Variants in ITGAD observed in about 807,000 individuals in gnomAD.
The protein encoded by ITGAD is integrin alpha-D.
ITGAD carries 105 observed loss-of-function variants against 139.0 expected under a neutral mutation model. The ratio of observed to expected loss-of-function variants is 0.76; its 90% confidence interval spans 0.65 to 0.89. The LOEUF (loss-of-function observed/expected upper bound fraction) is 0.89, where lower values mean the gene tolerates loss of function less well. Ranked by LOEUF, ITGAD falls within the 40% of genes least tolerant of loss-of-function variation. The probability of loss-of-function intolerance (pLI) is 0.00; values close to 1 mark genes in which losing one functional copy is unlikely to be tolerated. For synonymous variants in ITGAD, 569 were observed against 598.3 expected (o/e 0.95, Z 0.71); for missense variants, 1,384 against 1,487.3 (o/e 0.93, Z 1.14).
At chr16:31,423,501 C>T (rs1229018412) in intron 25 of ITGAD, 42 bp downstream of exon 25, 1 of 1,602,356 alleles carries the variant, frequency 6.2e-7, no homozygotes, top group Admixed American at 1.7e-5. Context: ...TGACATCCCA[C>T]AGCACAGCAC....
At chr16:31,418,406 A>C in intron 22 of ITGAD, 26 bp downstream of exon 22, 1 of 1,609,832 alleles carries the variant, frequency 6.2e-7, no homozygotes, top group East Asian at 2.2e-5. Context: ...GGTATCCCCC[A>C]CCCTCCATCG....
intron 5 of ITGAD, 25 bp downstream of exon 5, chr16:31,397,934 C>G: frequency 6.4e-7 from 1 of 1,556,778 alleles, no homozygotes; most frequent in Non-Finnish European, 8.8e-7. Context: ...GGCCATGGTT[C>G]CCTGTGGAGC....
chr16:31,416,109 G>A, intron 18 of ITGAD, 104 bp from the exon 19 acceptor site: 1 of 885,788 alleles, frequency 1.1e-6, no homozygotes, highest in Admixed American at 2.3e-5. Flanking sequence ...AAAGTGCTGG[G>A]GGCAGTGGCT....
intron 23 of ITGAD, among the ~76,000 whole-genome samples, chr16:31,422,269 T>C (rs187010125): frequency 6.6e-6 from 1 of 152,032 alleles, no homozygotes; most frequent in Non-Finnish European, 1.5e-5. Context: ...AAACTTTAGA[T>C]GTTAAGTGGT....
chr16:31,411,656 C>T lies in ITGAD; in HGVS notation c.1707+139C>T, dbSNP rs1312900743. On this transcript the variant is annotated intron_variant, in intron 14 of 29. Coordinates refer to ENST00000389202, the MANE Select transcript of ITGAD (RefSeq NM_005353.3). ...GCTAAGCACACGTCATCTCTCTTCTCTCCTTTGTTCCAGAAAGCCTTCCAT... is the reference window on the plus strand; with the variant it reads ...GCTAAGCACACGTCATCTCTCTTCTTTCCTTTGTTCCAGAAAGCCTTCCAT... 1.1e-5 allele frequency: 9 copies of T among 819,052 alleles called. No homozygotes were observed. The Admixed American group carries it at 1.8e-4, about 16-fold the overall frequency. 50.7% of individuals were successfully genotyped at this position (819,052 alleles called of 1,614,324 possible).
In ITGAD at chr16:31,426,321, C is replaced by A. The variant is rs774189274; in HGVS notation, c.*193C>A. 3.8e-6 allele frequency: 2 copies of A among 529,302 alleles called. No individual in the cohort carries two copies. The highest frequency in any genetic ancestry group is 6.8e-6 in the Non-Finnish European group (2 of 294,022). 32.8% of individuals were successfully genotyped at this position (529,302 alleles called of 1,614,324 possible). The stretch of plus-strand genomic sequence containing the variant: ...GTCCATCTTTTTCAGCAATGACCCA[C>A]TTTTTACAGAAGCAGGCATGGTGCC... On this transcript the variant is annotated 3_prime_UTR_variant, in exon 30 of 30. Transcript: ENST00000389202.
Position 31,397,842 on chromosome 16 carries a change from A to G in ITGAD, c.360A>G (p.Ser120=), listed in dbSNP as rs372267602. 3.7e-6 allele frequency: 6 copies of G among 1,613,688 alleles called. No homozygotes were observed. Among genetic ancestry groups the G allele is most frequent in the Admixed American group, 1.7e-5 (1 of 60,014 alleles). Residue 120 remains serine, a synonymous_variant, in exon 5 of 30, where the codon TCA becomes TCG. Transcript: ENST00000389202. Reference sequence around the variant, plus strand: ...GAGTCTGTGGGGAGAACTCATACTCAAAGGGTTCCTGCCTCCTGCTGGGCT... The same window carrying G: ...GAGTCTGTGGGGAGAACTCATACTCGAAGGGTTCCTGCCTCCTGCTGGGCT... The part of the protein sequence containing the change: ...LHRVCGENSY[S]KGSCLLLGSR...
At chr16:31,397,240 C>T (rs939853040) in intron 2 of ITGAD, 119 bp from the exon 3 acceptor site, 10 of 684,082 alleles carry the variant, frequency 1.5e-5, no homozygotes, top group East Asian at 2.7e-5. Flanking sequence ...GTGGCAAATG[C>T]CAGGAATTTC....
chr16:31,418,151 G>C lies in ITGAD; in HGVS notation c.2576G>C (p.Arg859Pro). Residue 859 changes from arginine to proline, a missense_variant, in exon 21 of 30, where the codon CGC (arginine) becomes CCC (proline). Transcript: ENST00000389202. ...PTEDEGLRSS[R>P]CSVNHPIFHE... ...GAGGATGAGGGCCTAAGAAGCAGCC[G>C]CTGCAGTGTCAACCACCCCATCTTC... is the stretch of plus-strand genomic sequence containing the variant. The C allele has an allele frequency of 6.2e-7, 1 of 1,614,028 alleles. No individual in the cohort carries two copies. Among genetic ancestry groups the C allele is most frequent in the Non-Finnish European group, 8.5e-7 (1 of 1,179,984 alleles).
chr16:31,410,672 G>A, intron 11 of ITGAD, 64 bp from the exon 12 acceptor site: 50 of 1,562,922 alleles, frequency 3.2e-5, no homozygotes, highest in Non-Finnish European at 4.2e-5. Context: ...GCTGCCTGGG[G>A]TGGGGGTCCA....
At chr16:31,398,350 C>G (rs868540726) in intron 5 of ITGAD, among the ~76,000 whole-genome samples, 39 of 151,846 alleles carry the variant, frequency 2.6e-4, no homozygotes, top group Middle Eastern at 3.4e-3. Context: ...TCGCTTGAAC[C>G]CAGGAGGCGG....
In ITGAD at chr16:31,413,262, A is replaced by G; in HGVS notation, c.1996+16A>G. On this transcript the variant is annotated intron_variant, in intron 16 of 29. Coordinates refer to ENST00000389202, the MANE Select transcript of ITGAD (RefSeq NM_005353.3). ...GACCAGCTAGGTGTGTTTCCCCCAT[A>G]AAGGGGGCCCAGGCCCCTCATTCCA... The G allele has an allele frequency of 6.2e-7, 1 of 1,613,074 alleles. No homozygotes were observed. The highest frequency in any genetic ancestry group is 1.1e-5 in the South Asian group (1 of 91,026).
chr16:31,421,396 G>T (rs2082003601), intron 23 of ITGAD, among the ~76,000 whole-genome samples: 1 of 151,310 alleles, frequency 6.6e-6, no homozygotes, highest in Non-Finnish European at 1.5e-5. Context: ...GGCATGAGTG[G>T]GAGGATGGCT....
chr16:31,405,711 C>T (rs56792493), intron 7 of ITGAD, among the ~76,000 whole-genome samples: 52,398 of 149,162 alleles, frequency 0.35, 9,396 homozygotes, highest in East Asian at 0.57. Context: ...GGCACGATCA[C>T]GGCTCACTGC....
intron 24 of ITGAD, 60 bp downstream of exon 24, chr16:31,423,252 G>C: frequency 6.3e-7 from 1 of 1,594,906 alleles, no homozygotes; most frequent in Non-Finnish European, 8.6e-7. Flanking sequence ...TTGGAAGTTG[G>C]TGGAGAAGAT....
rs1333287317 is a variant in ITGAD at position 31,397,357 on chromosome 16, A to G, written c.138-2A>G. ...GTGACATGGCCATGGTTGTGTCTCC[A>G]GACTCGTGGTGGGAGCACCCCTGGA... On this transcript the variant is annotated splice_acceptor_variant, in intron 2 of 29. Transcript: ENST00000389202. LOFTEE classifies it high-confidence loss of function. 6.3e-7 allele frequency: 1 copy of G among 1,589,092 alleles called. No individual in the cohort carries two copies. Among genetic ancestry groups the G allele is most frequent in the Admixed American group, 1.7e-5 (1 of 57,168 alleles).
intron 9 of ITGAD, among the ~76,000 whole-genome samples, 174 bp downstream of exon 9, chr16:31,408,090 G>A (rs1022236476): frequency 2.0e-5 from 3 of 152,014 alleles, no homozygotes; most frequent in African/African-American, 7.3e-5. Flanking sequence ...TCTCGCCTCA[G>A]CCTCCTGAGT....
chr16:31,423,892 C>T lies in ITGAD; in HGVS notation c.3093C>T (p.Ser1031=), dbSNP rs1340231745. 1.2e-6 allele frequency: 2 copies of T among 1,614,114 alleles called. No individual in the cohort carries two copies. Among genetic ancestry groups the T allele is most frequent in the Non-Finnish European group, 1.7e-6 (2 of 1,180,048 alleles). The part of the protein sequence containing the change: ...DCLQFRCDVP[S]FSVQEELDFT... ...TGCAGTTCCGCTGTGACGTCCCCTCCTTCAGCGTCCAGGAGGAGCTGGATT... is the reference window on the plus strand; with the variant it reads ...TGCAGTTCCGCTGTGACGTCCCCTCTTTCAGCGTCCAGGAGGAGCTGGATT... The change falls in exon 27 of 30, where the codon TCC becomes TCT. Residue 1031 remains serine, a synonymous_variant. Transcript: ENST00000389202.
At chr16:31,425,160 C>T (rs572248417) in intron 29 of ITGAD, among the ~76,000 whole-genome samples, 1 of 152,282 alleles carries the variant, frequency 6.6e-6, no homozygotes, top group African/African-American at 2.4e-5. Context: ...CAACCTCCAC[C>T]TCCTAGGTTC....
Sources: allele counts gnomAD v4.1 joint callset (sites outside exome capture counted in the v4.1 genomes callset), GRCh38; gene constraint gnomAD v4.1.1; transcripts MANE v1.5; gene names NCBI Gene and HGNC (gene_info 2026-07-23, HGNC 2026-07-21).